The following ARFGEF2 variants were observed in gnomAD, a reference collection of about 807,000 sequenced individuals.
ARFGEF2 encodes the protein brefeldin A-inhibited guanine nucleotide-exchange protein 2.
A neutral mutation model predicts 219.9 loss-of-function variants in ARFGEF2; 74 were observed. That is an observed-to-expected ratio of 0.34 (90% CI 0.28 to 0.41). The LOEUF (loss-of-function observed/expected upper bound fraction) is 0.41. Ranked by LOEUF, ARFGEF2 falls within the 10% of genes least tolerant of loss-of-function variation. The pLI is 1.00. For missense variants in ARFGEF2, 1,743 were observed against 2,218.3 expected (o/e 0.79, Z 4.30); for synonymous variants, 733 against 799.2 (o/e 0.92, Z 1.40).
intron 26 of ARFGEF2, among the ~76,000 whole-genome samples, chr20:49,008,317 CT>C (rs1228446784): frequency 6.6e-6 from 1 of 151,922 alleles, no homozygotes; most frequent in East Asian, 1.9e-4. Context: ...AATCCCAGCA[CT>C]TTGGGAGGTC....
chr20:48,986,624 A>G (rs963925043), intron 16 of ARFGEF2, among the ~76,000 whole-genome samples: 1 of 151,938 alleles, frequency 6.6e-6, no homozygotes, highest in Non-Finnish European at 1.5e-5. Flanking sequence ...AAAAAAAAAA[A>G]CTCATGTTCT....
At position 48,980,404 on chromosome 20, in the gene ARFGEF2, A is replaced by G. The variant is rs148658111; in HGVS notation, c.1958+4205A>G. ...GCTGAGGAGTGCTTTACTTCCAACT[A>G]TGTGGTCAATTTTGGAATAAGTGCA... On this transcript the variant is annotated intron_variant, in intron 14 of 38. Transcript: ENST00000371917. Among the ~76,000 whole-genome samples, 1,154 of 152,328 alleles carry G rather than the reference A, an allele frequency of 7.6e-3. 13 individuals carry two copies. Among genetic ancestry groups the G allele is most frequent in the African/African-American group, 0.025 (1,059 of 41,568 alleles).
intron 17 of ARFGEF2, 22 bp downstream of exon 17, chr20:48,988,410 C>T (rs377609262): frequency 4.0e-5 from 65 of 1,611,644 alleles, no homozygotes; most frequent in Non-Finnish European, 5.4e-5. Flanking sequence ...TAATGATTTA[C>T]ATGTTGTATT....
chr20:48,972,479 A>G (rs2091234527), intron 11 of ARFGEF2, 54 bp downstream of exon 11: 4 of 1,360,442 alleles, frequency 2.9e-6, no homozygotes, highest in Admixed American at 3.4e-5. Context: ...TTAATTTGCC[A>G]CAGCTCAGAT....
At chr20:48,935,315 CAAGCATCTGTTTA>C (rs1179845067) in intron 1 of ARFGEF2, among the ~76,000 whole-genome samples, 2 of 152,166 alleles carry the variant, frequency 1.3e-5, no homozygotes, top group Non-Finnish European at 2.9e-5. Flanking sequence ...TTGCTGCCTT[CAAGCATCTGTTTA>C]ACAAAGCACA....
chr20:48,947,460 T>G (rs1048516420), intron 3 of ARFGEF2, among the ~76,000 whole-genome samples: 2 of 151,968 alleles, frequency 1.3e-5, no homozygotes, highest in Admixed American at 1.3e-4. Flanking sequence ...TCCCAGTGCT[T>G]TGGGAGGCCA....
intron 26 of ARFGEF2, among the ~76,000 whole-genome samples, chr20:49,009,258 GT>G (rs1269325201): frequency 1.3e-5 from 2 of 152,150 alleles, no homozygotes; most frequent in African/African-American, 4.8e-5. Context: ...ATTTTTAACT[GT>G]TTTGACTTTC....
intron 14 of ARFGEF2, among the ~76,000 whole-genome samples, chr20:48,981,400 G>A (rs1423575516): frequency 6.6e-6 from 1 of 152,118 alleles, no homozygotes; most frequent in African/African-American, 2.4e-5. Flanking sequence ...CTTTCTCTCT[G>A]GCTGCCCTTA....
intron 35 of ARFGEF2, 22 bp from the exon 36 acceptor site, chr20:49,025,291 T>A (rs781435704): frequency 6.3e-7 from 1 of 1,599,452 alleles, no homozygotes; most frequent in South Asian, 1.1e-5. Context: ...TTAGCTCTTC[T>A]ATCCTCTGTC....
rs184477533 is a variant in ARFGEF2, at chr20:49,016,134, C to T, written c.4180-146C>T. 3 of 814,202 alleles carry T rather than the reference C, an allele frequency of 3.7e-6. No homozygotes were observed. In the East Asian group the frequency reaches 8.1e-5, roughly 22 times the overall value. 50.4% of individuals were successfully genotyped at this position (814,202 alleles called of 1,614,324 possible). A position where few individuals can be genotyped will look rare whatever the true frequency, so the allele number is the denominator to read the frequency against. On this transcript the variant is annotated intron_variant, in intron 30 of 38. Coordinates refer to ENST00000371917, the MANE Select transcript of ARFGEF2 (RefSeq NM_006420.3). ...AAGATCCCTCTGTATATCCTCTGTA[C>T]ATATGAATGTATTAACATTTTTAAG...
chr20:48,984,635 A>G, intron 14 of ARFGEF2, 94 bp from the exon 15 acceptor site: 6 of 1,483,616 alleles, frequency 4.0e-6, no homozygotes, highest in Middle Eastern at 2.0e-4. Flanking sequence ...TGGCATGTTC[A>G]TAGTATTCTA....
chr20:49,035,941 T>C lies in ARFGEF2; in HGVS notation c.*2742T>C, dbSNP rs991590943. ...AACATACATTATGAAAATTGTATTA[T>C]AATATCTGGAAACACAACATTTTCC... On this transcript the variant is annotated 3_prime_UTR_variant, in exon 39 of 39. Transcript: ENST00000371917. 7.9e-6 allele frequency: 3 copies of C among 380,210 alleles called. No homozygotes were observed. Among genetic ancestry groups the C allele is most frequent in the Admixed American group, 4.5e-5 (1 of 22,184 alleles). The allele number at this position is 380,210 out of a possible 1,614,324, so 23.6% of individuals were successfully genotyped here.
At chr20:48,945,442 GTAACAGA>G (rs1232023297) in intron 3 of ARFGEF2, among the ~76,000 whole-genome samples, 11 of 152,186 alleles carry the variant, frequency 7.2e-5, no homozygotes, top group Non-Finnish European at 1.6e-4. Flanking sequence ...GGCCTGTTTA[GTAACAGA>G]AATCGTTTGT....
intron 5 of ARFGEF2, 92 bp downstream of exon 5, chr20:48,952,976 C>A: frequency 2.3e-6 from 3 of 1,319,370 alleles, no homozygotes; most frequent in East Asian, 2.3e-5. Context: ...GAATCACTAG[C>A]ATTTTAAAGC....
In ARFGEF2 at chr20:49,025,403, G is replaced by C. The variant is rs541124438; in HGVS notation, c.4846G>C (p.Asp1616His). The C allele has an allele frequency of 1.9e-6, 3 of 1,614,066 alleles. No individual in the cohort carries two copies. Among genetic ancestry groups the C allele is most frequent in the Non-Finnish European group, 2.5e-6 (3 of 1,180,002 alleles). ...MSSQHLFKLLDCLQESHSFSK... is the reference protein window; with the variant it reads ...MSSQHLFKLLHCLQESHSFSK... The stretch of plus-strand genomic sequence containing the variant: ...TTCCCAGCACCTCTTCAAGCTGTTG[G>C]ACTGTTTGCAGGAATCCCATTCATT... The change falls in exon 36 of 39, where the codon GAC becomes CAC. Residue 1616 changes from aspartate (D) to histidine (H), a missense_variant. Transcript: ENST00000371917.
rs1207993163 is a variant in ARFGEF2, at chr20:48,921,852, C to T, written c.-38C>T. On this transcript the variant is annotated 5_prime_UTR_variant, in exon 1 of 39. Transcript: ENST00000371917. The stretch of plus-strand genomic sequence containing the variant: ...TAGCTCGCCATCTCGCTCACGCCGC[C>T]CGCCCGCGGGGCCGTCAGCCCCCGC... The T allele has an allele frequency of 6.7e-7, 1 of 1,499,190 alleles. No homozygotes were observed. Among genetic ancestry groups the T allele is most frequent in the Admixed American group, 2.2e-5 (1 of 46,294 alleles). 92.9% of individuals were successfully genotyped at this position (1,499,190 alleles called of 1,614,324 possible).
chr20:49,012,978 T>C (rs1241856517), intron 28 of ARFGEF2, among the ~76,000 whole-genome samples: 1 of 152,198 alleles, frequency 6.6e-6, no homozygotes, highest in African/African-American at 2.4e-5. Flanking sequence ...AGTAGGGCTA[T>C]ACATGCAGAC....
At chr20:48,929,345 A>G (rs2090899067) in intron 1 of ARFGEF2, among the ~76,000 whole-genome samples, 1 of 152,166 alleles carries the variant, frequency 6.6e-6, no homozygotes, top group Non-Finnish European at 1.5e-5. Flanking sequence ...CGTCCTAGGG[A>G]GTGGTCAGTG....
At chr20:48,938,967 G>GTTTTT (rs199950635) in intron 1 of ARFGEF2, among the ~76,000 whole-genome samples, 7 of 143,106 alleles carry the variant, frequency 4.9e-5, no homozygotes, top group East Asian at 2.2e-4. Flanking sequence ...TGTTTTATGG[G>GTTTTT]TTTTTTTTGT....
Sources: gnomAD v4.1 joint callset for allele counts (sites outside exome capture counted in the v4.1 genomes callset) on GRCh38, gnomAD v4.1.1 for gene constraint, MANE v1.5 for transcripts, NCBI Gene and HGNC (gene_info 2026-07-23, HGNC 2026-07-21) for gene names.